CFAP299: variants seen among roughly 807,000 people sequenced by gnomAD.
CFAP299 encodes the protein cilia- and flagella-associated protein 299.
A neutral mutation model predicts 27.0 loss-of-function variants in CFAP299; 21 were observed. That is an observed-to-expected ratio of 0.78 (90% CI 0.55 to 1.12). The LOEUF (loss-of-function observed/expected upper bound fraction) is 1.12, where lower values mean the gene tolerates loss of function less well. Among genes scored for constraint, CFAP299 ranks in the 50% most tolerant of loss-of-function variants. The pLI is 0.00. For missense variants in CFAP299, 310 were observed against 276.6 expected, an observed-to-expected ratio of 1.12 and a Z score of -0.86; for synonymous variants, 104 against 98.1, an observed-to-expected ratio of 1.06 and a Z score of -0.36.
intron 3 of CFAP299, among the ~76,000 whole-genome samples, chr4:80,801,483 A>C (rs1289056595): frequency 2.6e-5 from 4 of 152,080 alleles, no homozygotes; most frequent in Non-Finnish European, 4.4e-5. Context: ...TTACTAGGAA[A>C]ATTGTTGATT....
intron 4 of CFAP299, among the ~76,000 whole-genome samples, chr4:80,902,408 T>TA: frequency 1.7e-5 from 2 of 118,132 alleles, no homozygotes; most frequent in South Asian, 5.4e-4. Context: ...ATACTTTATA[T>TA]AAATATATAA....
chr4:80,412,338 A>G (rs1188285634), intron 2 of CFAP299, among the ~76,000 whole-genome samples: 2 of 151,792 alleles, frequency 1.3e-5, no homozygotes, highest in South Asian at 2.1e-4. Context: ...ACATGTGCAT[A>G]TTATAAGCTA....
intron 3 of CFAP299, among the ~76,000 whole-genome samples, chr4:80,617,728 A>G (rs1413801094): frequency 2.0e-5 from 3 of 152,200 alleles, no homozygotes; most frequent in African/African-American, 7.2e-5. Context: ...AATCCATTTA[A>G]TAGGGAAGGG....
intron 4 of CFAP299, among the ~76,000 whole-genome samples, chr4:80,889,413 C>T (rs1427184335): frequency 6.6e-6 from 1 of 151,744 alleles, no homozygotes; most frequent in African/African-American, 2.4e-5. Flanking sequence ...ATATGACCTA[C>T]CAAGATTGAA....
intron 4 of CFAP299, among the ~76,000 whole-genome samples, chr4:80,926,412 A>G (rs1736308889): frequency 6.6e-6 from 1 of 152,022 alleles, no homozygotes; most frequent in Non-Finnish European, 1.5e-5. Context: ...GATGCAGACC[A>G]AAGGTGACAG....
intron 4 of CFAP299, among the ~76,000 whole-genome samples, chr4:80,901,613 A>T (rs1578224933): frequency 1.3e-5 from 2 of 152,114 alleles, no homozygotes. Flanking sequence ...AACCAGCCAC[A>T]ATTGGGTCTC....
intron 3 of CFAP299, among the ~76,000 whole-genome samples, chr4:80,742,077 A>G (rs992012931): frequency 2.6e-5 from 4 of 152,142 alleles, no homozygotes; most frequent in Non-Finnish European, 5.9e-5. Flanking sequence ...AGATGGGGGA[A>G]GGGTCACTTC....
intron 2 of CFAP299, among the ~76,000 whole-genome samples, chr4:80,495,190 A>G (rs1731373683): frequency 2.0e-5 from 3 of 152,234 alleles, no homozygotes. Context: ...CTTAGGTTTT[A>G]TAATGAAGTT....
In CFAP299 at chr4:80,391,456, C is replaced by G. The variant is rs537948205; in HGVS notation, c.242+28572C>G. On this transcript the variant is annotated intron_variant, in intron 2 of 5. Coordinates refer to ENST00000358105, the MANE Select transcript of CFAP299 (RefSeq NM_152770.3). ...TCTCATTGTGGTTCCGATTTGCTTTCCCTGATGACTAGTGATGTTGAGCAC... is the reference window on the plus strand; with the variant it reads ...TCTCATTGTGGTTCCGATTTGCTTTGCCTGATGACTAGTGATGTTGAGCAC... Among the ~76,000 whole-genome samples the G allele has an allele frequency of 4.7e-4, 71 of 152,120 alleles. 1 individual carries two copies. Among genetic ancestry groups the G allele is most frequent in the Middle Eastern group, 3.2e-3 (1 of 316 alleles).
intron 2 of CFAP299, among the ~76,000 whole-genome samples, chr4:80,568,605 T>C (rs527543924): frequency 6.6e-6 from 1 of 152,234 alleles, no homozygotes; most frequent in East Asian, 1.9e-4. Flanking sequence ...ATTTATGTTA[T>C]ATATTATAGT....
chr4:80,691,633 C>A (rs1302563147), intron 3 of CFAP299, among the ~76,000 whole-genome samples: 1 of 149,884 alleles, frequency 6.7e-6, no homozygotes, highest in Admixed American at 6.6e-5. Context: ...AAAACTGGCA[C>A]AAGACAGGGA....
chr4:80,740,499 C>A (rs1220635170), intron 3 of CFAP299, among the ~76,000 whole-genome samples: 6 of 152,136 alleles, frequency 3.9e-5, no homozygotes, highest in Admixed American at 3.9e-4. Context: ...TGCTGATTCA[C>A]CTGGAACTGG....
At chr4:80,555,450 T>C (rs2110214406) in intron 2 of CFAP299, among the ~76,000 whole-genome samples, 1 of 152,214 alleles carries the variant, frequency 6.6e-6, no homozygotes. Flanking sequence ...GATACTGGCA[T>C]AAAGTCTTCC....
intron 3 of CFAP299, among the ~76,000 whole-genome samples, chr4:80,681,655 A>G (rs576410827): frequency 6.6e-6 from 1 of 152,184 alleles, no homozygotes; most frequent in East Asian, 1.9e-4. Flanking sequence ...AGAAGCATAA[A>G]AACAGAATCA....
At chr4:80,422,685 T>G (rs1240697638) in intron 2 of CFAP299, among the ~76,000 whole-genome samples, 1 of 152,208 alleles carries the variant, frequency 6.6e-6, no homozygotes, top group Non-Finnish European at 1.5e-5. Flanking sequence ...AAACTATTAG[T>G]AGATGATCAA....
At chr4:80,885,451 A>G (rs922630014) in intron 4 of CFAP299, among the ~76,000 whole-genome samples, 3 of 152,174 alleles carry the variant, frequency 2.0e-5, no homozygotes, top group Non-Finnish European at 4.4e-5. Context: ...GCTCACAGCA[A>G]CAAAAGTGAC....
chr4:80,739,079 T>C (rs1398870702), intron 3 of CFAP299, among the ~76,000 whole-genome samples: 1 of 152,110 alleles, frequency 6.6e-6, no homozygotes, highest in Non-Finnish European at 1.5e-5. Flanking sequence ...GCTTTTTAAC[T>C]TTTTGTTCTT....
At chr4:80,739,386 G>C (rs1415205747) in intron 3 of CFAP299, among the ~76,000 whole-genome samples, 1 of 151,936 alleles carries the variant, frequency 6.6e-6, no homozygotes, top group Admixed American at 6.6e-5. Flanking sequence ...GTTTATCTTG[G>C]ATTATTTGTT....
chr4:80,346,213 A>C (rs547585893), intron 1 of CFAP299, among the ~76,000 whole-genome samples: 2 of 152,176 alleles, frequency 1.3e-5, no homozygotes, highest in South Asian at 4.2e-4. Flanking sequence ...ATTTTCTTCC[A>C]TTCTGTAGGT....
Sources: allele counts gnomAD v4.1 joint callset (sites outside exome capture counted in the v4.1 genomes callset), GRCh38; gene constraint gnomAD v4.1.1; transcripts MANE v1.5; gene names NCBI Gene and HGNC (gene_info 2026-07-23, HGNC 2026-07-21).